The following ADGRV1 variants were observed in gnomAD, a reference collection of about 807,000 sequenced individuals.
The protein encoded by ADGRV1 is adhesion G protein-coupled receptor V1.
Under a neutral mutation model 596.2 loss-of-function variants are expected in ADGRV1, and 359 were observed. The observed-to-expected ratio is 0.60, with a 90% CI of 0.55 to 0.66. The LOEUF (loss-of-function observed/expected upper bound fraction) is 0.66, where lower values mean the gene tolerates loss of function less well. Ranked by LOEUF, ADGRV1 falls within the 30% of genes least tolerant of loss-of-function variation. The pLI is 0.00. For synonymous variants in ADGRV1, 2,681 were observed against 2,679.2 expected, an observed-to-expected ratio of 1.00 and a Z score of -0.02; for missense variants, 7,274 against 7,575.6, an observed-to-expected ratio of 0.96 and a Z score of 1.48.
chr5:90,564,625 A>ATATATTTTTTTTTTTTT (rs1391157470), intron 1 of ADGRV1, among the ~76,000 whole-genome samples: 1 of 33,600 alleles, frequency 3.0e-5, no homozygotes, highest in African/African-American at 2.3e-4. Context: ...ATATATATAT[A>ATATATTTTTTTTTTTTT]TTTTTTTTTT....
intron 85 of ADGRV1, among the ~76,000 whole-genome samples, chr5:91,028,903 A>G (rs1019809212): frequency 6.6e-6 from 1 of 151,900 alleles, no homozygotes; most frequent in Admixed American, 6.6e-5. Context: ...CATGTGGCTA[A>G]GTTTTTTTTA....
At chr5:90,727,780 C>A (rs1164520515) in intron 48 of ADGRV1, among the ~76,000 whole-genome samples, 1 of 152,156 alleles carries the variant, frequency 6.6e-6, no homozygotes, top group Non-Finnish European at 1.5e-5. Flanking sequence ...GATCTTACCT[C>A]TCCAGCCTTA....
chr5:90,672,550 C>A lies in ADGRV1; in HGVS notation c.4757C>A (p.Ala1586Glu). The change falls in exon 22 of 90, where the codon GCA becomes GAA. Residue 1586 changes from alanine (A) to glutamate (E), a missense_variant. Physicochemically the swap from Ala to Glu is moderately radical, Grantham distance 107. Transcript: ENST00000405460. ...GFTGACIPEIAEEGSTISCVV... is the reference protein window; with the variant it reads ...GFTGACIPEIEEEGSTISCVV... ...ATAATTTACATTCAATTTCAGATTGCAGAGGAGGGATCAACCATTTCTTGT... is the reference window on the plus strand; with the variant it reads ...ATAATTTACATTCAATTTCAGATTGAAGAGGAGGGATCAACCATTTCTTGT... 6.2e-7 allele frequency: 1 copy of A among 1,612,458 alleles called. No homozygotes were observed.
chr5:90,789,770 T>C lies in ADGRV1; in HGVS notation c.13962T>C (p.Tyr4654=), dbSNP rs1759868441. 6.4e-7 allele frequency: 1 copy of C among 1,556,156 alleles called. No homozygotes were observed. The highest frequency in any genetic ancestry group is 1.2e-5 in the South Asian group (1 of 83,604). The part of the protein sequence containing the change: ...FAPETLSKKT[Y]SEPLALEGPL... The stretch of plus-strand genomic sequence containing the variant: ...CTGAAACTTTGTCTAAGAAGACTTA[T>C]TCAGAGCCTCTGGCTCTGGAAGGGC... Residue 4654 remains tyrosine, a synonymous_variant, in exon 69 of 90, where the codon TAT becomes TAC. Transcript: ENST00000405460.
chr5:90,578,201 G>C (rs919729830), intron 1 of ADGRV1, among the ~76,000 whole-genome samples: 1 of 151,350 alleles, frequency 6.6e-6, no homozygotes, highest in African/African-American at 2.4e-5. Context: ...GTTTTCAAAG[G>C]GAATGCTTCC....
At chr5:90,714,958 T>G (rs1217823150) in intron 42 of ADGRV1, among the ~76,000 whole-genome samples, 1 of 152,208 alleles carries the variant, frequency 6.6e-6, no homozygotes, top group African/African-American at 2.4e-5. Context: ...GAACATTAGA[T>G]TCAAACTGAG....
chr5:90,951,705 GT>G (rs1182529844), intron 83 of ADGRV1, among the ~76,000 whole-genome samples: 1 of 152,036 alleles, frequency 6.6e-6, no homozygotes, highest in Non-Finnish European at 1.5e-5. Flanking sequence ...TTCTAAATAA[GT>G]TAGAATACTG....
At chr5:90,755,763 T>C (rs1406244132) in intron 55 of ADGRV1, among the ~76,000 whole-genome samples, 1 of 149,504 alleles carries the variant, frequency 6.7e-6, no homozygotes, top group Non-Finnish European at 1.5e-5. Context: ...AATAATATTA[T>C]AAAATAATAA....
At chr5:91,134,210 C>T (rs1794444843) in intron 87 of ADGRV1, among the ~76,000 whole-genome samples, 1 of 149,890 alleles carries the variant, frequency 6.7e-6, no homozygotes, top group African/African-American at 2.5e-5. Flanking sequence ...TTTTTAAAGA[C>T]AGAGTCACAT....
chr5:91,084,340 G>A (rs748461753), intron 86 of ADGRV1, among the ~76,000 whole-genome samples: 6 of 152,030 alleles, frequency 3.9e-5, no homozygotes, highest in Non-Finnish European at 8.8e-5. Context: ...CTGACAAAGA[G>A]CTAATATCCA....
At chr5:91,155,625 T>C (rs914919933) in intron 89 of ADGRV1, among the ~76,000 whole-genome samples, 1 of 152,226 alleles carries the variant, frequency 6.6e-6, no homozygotes, top group Non-Finnish European at 1.5e-5. Context: ...CCCATTTTGC[T>C]TAATTTAACC....
At chr5:90,684,282 T>C (rs1278958818) in intron 28 of ADGRV1, 87 bp downstream of exon 28, 2 of 1,233,894 alleles carry the variant, frequency 1.6e-6, no homozygotes, top group Middle Eastern at 2.7e-4. Flanking sequence ...TAGAAAATTC[T>C]ATAAAAAGTA....
chr5:90,814,539 G>A (rs1169176398), intron 74 of ADGRV1, among the ~76,000 whole-genome samples: 1 of 151,988 alleles, frequency 6.6e-6, no homozygotes, highest in Non-Finnish European at 1.5e-5. Flanking sequence ...ATTGGATCAT[G>A]GGGGCAGTTT....
In ADGRV1 at chr5:90,617,823, G is replaced by A; in HGVS notation, c.227G>A (p.Gly76Asp). The change falls in exon 3 of 90, where the codon GGT becomes GAT. Residue 76 changes from glycine (G) to aspartate (D), a missense_variant. Gly to Asp is a moderately conservative substitution (Grantham distance 94). This residue lies in a region of ADGRV1 where 1,715 missense variants were observed against 1,708.8 expected (regional missense o/e 1.00). Transcript: ENST00000405460. ...AIVSLYGEDAGDFFDTYAAAF... is the reference protein window; with the variant it reads ...AIVSLYGEDADDFFDTYAAAF... ...TGATAGCTGTATGGAGAGGACGCTG[G>A]TGACTTTTTTGACACATATGCTGCA... The A allele has an allele frequency of 6.3e-7, 1 of 1,597,830 alleles. No homozygotes were observed. Among genetic ancestry groups the A allele is most frequent in the Non-Finnish European group, 8.5e-7 (1 of 1,171,448 alleles).
intron 89 of ADGRV1, among the ~76,000 whole-genome samples, chr5:91,160,693 C>T (rs951992030): frequency 1.3e-5 from 2 of 151,530 alleles, no homozygotes; most frequent in African/African-American, 4.8e-5. Flanking sequence ...AGGATACTTA[C>T]TGCAAACTAC....
intron 1 of ADGRV1, among the ~76,000 whole-genome samples, chr5:90,613,157 G>A (rs1338421425): frequency 6.6e-6 from 1 of 152,000 alleles, no homozygotes; most frequent in Non-Finnish European, 1.5e-5. Context: ...CTCAGTTCAT[G>A]GTTCTGTCAC....
Position 90,776,458 on chromosome 5 carries a change from G to C in ADGRV1, c.12409G>C (p.Ala4137Pro). 1 of 1,611,030 alleles carries C rather than the reference G, an allele frequency of 6.2e-7. No homozygotes were observed. The highest frequency in any genetic ancestry group is 1.1e-5 in the South Asian group (1 of 90,736). The change falls in exon 61 of 90, where the codon GCA becomes CCA. Residue 4137 changes from alanine (A) to proline (P), a missense_variant. By Grantham distance (27) the Ala-to-Pro change is conservative. Transcript: ENST00000405460. ...EVEISPVKGS[A>P]SIIIRGDKRA... ...CTATATCATCTTGAATTTAGGTAGT[G>C]CATCAATAATTATTCGGGGTGATAA...
At chr5:91,032,027 A>T (rs2151230911) in intron 85 of ADGRV1, among the ~76,000 whole-genome samples, 1 of 152,382 alleles carries the variant, frequency 6.6e-6, no homozygotes, top group South Asian at 2.1e-4. Context: ...TGGGAGCAGC[A>T]TGCGGGCTGC....
intron 87 of ADGRV1, among the ~76,000 whole-genome samples, chr5:91,127,129 A>G (rs1793828504): frequency 6.6e-6 from 1 of 152,170 alleles, no homozygotes; most frequent in Middle Eastern, 3.2e-3. Context: ...GCCTTAGGTC[A>G]GAGAAGAACA....
Sources: allele counts gnomAD v4.1 joint callset (sites outside exome capture counted in the v4.1 genomes callset), GRCh38; gene constraint gnomAD v4.1.1; regional missense constraint gnomAD v4.1.1; transcripts MANE v1.5; gene names NCBI Gene and HGNC (gene_info 2026-07-23, HGNC 2026-07-21).